GPHN: variants seen among roughly 807,000 people sequenced by gnomAD.
GPHN encodes gephyrin.
GPHN carries 17 observed loss-of-function variants against 95.5 expected under a neutral mutation model. That is an observed-to-expected ratio of 0.18 (90% CI 0.12 to 0.27). GPHN has a LOEUF of 0.27. Among genes scored for constraint, GPHN ranks in the 10% least tolerant of loss-of-function variants. The probability of loss-of-function intolerance (pLI) is 1.00; values close to 1 mark genes in which losing one functional copy is unlikely to be tolerated. For missense variants in GPHN, 660 were observed against 978.1 expected, an observed-to-expected ratio of 0.67 and a Z score of 4.34; for synonymous variants, 320 against 322.5, an observed-to-expected ratio of 0.99 and a Z score of 0.08.
At chr14:67,399,300 G>C in the GPHN span, among the ~76,000 whole-genome samples, 1 of 151,188 alleles carries the variant, frequency 6.6e-6, no homozygotes, top group Non-Finnish European at 1.5e-5. Flanking sequence ...CAGGAATAAA[G>C]AGAAGGGTAG....
At chr14:67,067,745 T>G (rs1869723107) in intron 11 of GPHN, among the ~76,000 whole-genome samples, 1 of 152,238 alleles carries the variant, frequency 6.6e-6, no homozygotes, top group Admixed American at 6.5e-5. Flanking sequence ...TCCATGGGTT[T>G]GGGACCTGCC....
Position 66,599,392 on chromosome 14 carries a change from A to ATTTTTTTTTTTTTT in GPHN, c.65-81712_65-81699dup, listed in dbSNP as rs765267813. ...TCTCTGATTTTACATTTTTTTTTGC[A>ATTTTTTTTTTTTTT]TTTTTTTTTTTTTTTTGCTAGATGC... On this transcript the variant is annotated intron_variant, in intron 1 of 22. Coordinates refer to ENST00000478722, the MANE Select transcript of GPHN (RefSeq NM_020806.5). 1.6e-3 allele frequency among the ~76,000 whole-genome samples: 125 copies of ATTTTTTTTTTTTTT among 76,416 alleles called. 5 individuals are homozygous for ATTTTTTTTTTTTTT. The highest frequency in any genetic ancestry group is 5.7e-3 in the African/African-American group (79 of 13,886). 50.1% of individuals were successfully genotyped at this position (76,416 alleles called of 152,430 possible). A position where few individuals can be genotyped will look rare whatever the true frequency, so the allele number is the denominator to read the frequency against.
At chr14:67,557,365 A>G in the GPHN span, 6 of 1,614,014 alleles carry the variant, frequency 3.7e-6, no homozygotes, top group East Asian at 8.9e-5. Flanking sequence ...GCTGAAAGCC[A>G]TAAAGGGCAA....
intron 2 of GPHN, among the ~76,000 whole-genome samples, chr14:66,690,926 A>G (rs1397005358): frequency 2.0e-5 from 3 of 152,152 alleles, no homozygotes; most frequent in Non-Finnish European, 1.5e-5. Context: ...TTTGACTGTA[A>G]TGAGTGGCAA....
At chr14:66,875,688 A>G (rs895675111) in intron 4 of GPHN, among the ~76,000 whole-genome samples, 1 of 152,206 alleles carries the variant, frequency 6.6e-6, no homozygotes, top group African/African-American at 2.4e-5. Context: ...AAAGGGATCA[A>G]CGCAACAAGA....
At chr14:66,522,992 A>G (rs186750265) in intron 1 of GPHN, among the ~76,000 whole-genome samples, 1 of 152,234 alleles carries the variant, frequency 6.6e-6, no homozygotes, top group Admixed American at 6.5e-5. Flanking sequence ...AAAGTTGAGT[A>G]GATGATCTCT....
the GPHN span, chr14:67,724,358 A>G: frequency 1.2e-6 from 1 of 822,226 alleles, no homozygotes; most frequent in Non-Finnish European, 2.1e-6. Flanking sequence ...TCCTGACTGC[A>G]ACTTAAAGAT....
chr14:67,245,540 G>A, the GPHN span, among the ~76,000 whole-genome samples: 10 of 151,944 alleles, frequency 6.6e-5, no homozygotes, highest in African/African-American at 2.4e-4. Flanking sequence ...CTTTAGGGAT[G>A]GGGTCTCACT....
At chr14:67,555,876 G>A in the GPHN span, 11 of 1,613,390 alleles carry the variant, frequency 6.8e-6, no homozygotes, top group African/African-American at 1.3e-5. Flanking sequence ...AGCAGAGAAC[G>A]CTGAGACCCA....
the GPHN span, chr14:67,725,360 C>T: frequency 8.4e-7 from 1 of 1,184,246 alleles, no homozygotes; most frequent in African/African-American, 1.5e-5. Flanking sequence ...ATCCACCCCA[C>T]TAGACAGGTT....
chr14:66,605,962 T>A (rs2062514677), intron 1 of GPHN, among the ~76,000 whole-genome samples: 1 of 152,190 alleles, frequency 6.6e-6, no homozygotes, highest in Non-Finnish European at 1.5e-5. Flanking sequence ...TTACTGTTGA[T>A]AATTTATTTT....
chr14:67,129,577 A>G (rs189228163), intron 17 of GPHN, among the ~76,000 whole-genome samples: 3 of 152,326 alleles, frequency 2.0e-5, no homozygotes, highest in Non-Finnish European at 4.4e-5. Flanking sequence ...GCCATAGTAT[A>G]TATTTGTAGA....
chr14:67,144,152 G>A (rs375445973), intron 18 of GPHN, among the ~76,000 whole-genome samples: 5 of 147,430 alleles, frequency 3.4e-5, no homozygotes, highest in East Asian at 2.0e-4. Flanking sequence ...TGGGAGGATC[G>A]CTTGAGCCTG....
intron 1 of GPHN, among the ~76,000 whole-genome samples, chr14:66,510,990 A>G (rs1252148807): frequency 6.6e-6 from 1 of 152,200 alleles, no homozygotes; most frequent in African/African-American, 2.4e-5. Context: ...GATTTGGAAT[A>G]AGTGATAATA....
chr14:67,561,042 A>G, the GPHN span, among the ~76,000 whole-genome samples: 1 of 152,068 alleles, frequency 6.6e-6, no homozygotes, highest in African/African-American at 2.4e-5. Flanking sequence ...ACAAACATAC[A>G]TCTTTTCCTC....
At chr14:67,217,879 T>C in the GPHN span, among the ~76,000 whole-genome samples, 1 of 152,218 alleles carries the variant, frequency 6.6e-6, no homozygotes, top group Admixed American at 6.5e-5. Flanking sequence ...CTATGTTGAG[T>C]TCTGTGCATC....
chr14:67,710,895 T>C, the GPHN span, among the ~76,000 whole-genome samples: 14 of 152,204 alleles, frequency 9.2e-5, no homozygotes, highest in African/African-American at 3.4e-4. Context: ...ATTTTCATTG[T>C]TTACCTAGAT....
intron 4 of GPHN, among the ~76,000 whole-genome samples, chr14:66,851,975 G>A (rs898541607): frequency 6.6e-6 from 1 of 152,120 alleles, no homozygotes; most frequent in African/African-American, 2.4e-5. Flanking sequence ...AGAATTAATT[G>A]CACTTTTGGA....
At chr14:67,158,355 A>C (rs1286499216) in intron 18 of GPHN, among the ~76,000 whole-genome samples, 1 of 151,720 alleles carries the variant, frequency 6.6e-6, no homozygotes, top group African/African-American at 2.4e-5. Flanking sequence ...CCAGCAACTT[A>C]TTAAAGTATT....
Sources: gnomAD v4.1 joint callset for allele counts (sites outside exome capture counted in the v4.1 genomes callset) on GRCh38, gnomAD v4.1.1 for gene constraint, MANE v1.5 for transcripts, NCBI Gene and HGNC (gene_info 2026-07-23, HGNC 2026-07-21) for gene names.